Variants in CEP152 observed in about 807,000 individuals in gnomAD.
CEP152 encodes the protein centrosomal protein of 152 kDa.
CEP152 carries 132 observed loss-of-function variants against 188.9 expected under a neutral mutation model. That is an observed-to-expected ratio of 0.70 (90% CI 0.61 to 0.81). The LOEUF is 0.81. Ranked by LOEUF, CEP152 falls within the 30% of genes least tolerant of loss-of-function variation. The pLI, the probability that CEP152 is intolerant of heterozygous loss-of-function variation, is 0.00. For missense variants in CEP152, 1,914 were observed against 1,969.8 expected, an observed-to-expected ratio of 0.97 and a Z score of 0.54; for synonymous variants, 649 against 666.6, an observed-to-expected ratio of 0.97 and a Z score of 0.41.
intron 26 of CEP152, chr15:48,741,242 A>C: frequency 2.7e-6 from 3 of 1,123,654 alleles, no homozygotes; most frequent in Non-Finnish European, 3.3e-6. Context: ...GGATCCTCCC[A>C]CCTCAGCCTC....
intron 9 of CEP152, among the ~76,000 whole-genome samples, chr15:48,787,546 T>G (rs1896745135): frequency 6.6e-6 from 1 of 151,848 alleles, no homozygotes; most frequent in African/African-American, 2.4e-5. Context: ...AAATACATAA[T>G]GAAATAGATA....
chr15:48,780,505 A>G (rs764964928), intron 12 of CEP152, among the ~76,000 whole-genome samples: 2 of 152,212 alleles, frequency 1.3e-5, no homozygotes, highest in Non-Finnish European at 2.9e-5. Flanking sequence ...TCTGGAAACT[A>G]CAATTCAACA....
At chr15:48,793,106 G>A (rs1897088542) in intron 7 of CEP152, among the ~76,000 whole-genome samples, 1 of 152,208 alleles carries the variant, frequency 6.6e-6, no homozygotes, top group Non-Finnish European at 1.5e-5. Context: ...ACAGGCGTAA[G>A]CCACCATGCC....
At chr15:48,786,656 C>T (rs1896653906) in intron 9 of CEP152, among the ~76,000 whole-genome samples, 14 of 151,834 alleles carry the variant, frequency 9.2e-5, no homozygotes, top group Admixed American at 9.2e-4. Flanking sequence ...TATGCAGAGC[C>T]TAACATCAGT....
chr15:48,799,338 T>C (rs1897528727), intron 2 of CEP152, among the ~76,000 whole-genome samples: 1 of 152,184 alleles, frequency 6.6e-6, no homozygotes, highest in East Asian at 1.9e-4. Flanking sequence ...ATATATTTTA[T>C]GGAAGGTCTG....
Position 48,755,810 on chromosome 15 carries a change from T to A in CEP152, c.3345+93A>T, listed in dbSNP as rs566425914. ...ACAAAAACATAAGACTTACATCTACTAAAATTTAAAAGGAAAAAAGGAAAA... is the reference window on the plus strand; with the variant it reads ...ACAAAAACATAAGACTTACATCTACAAAAATTTAAAAGGAAAAAAGGAAAA... On this transcript the variant is annotated intron_variant, in intron 20 of 26. Coordinates refer to ENST00000380950, the MANE Select transcript of CEP152 (RefSeq NM_001194998.2). The A allele has an allele frequency of 4.6e-4, 723 of 1,587,420 alleles. 3 individuals carry two copies. In the African/African-American group the frequency reaches 8.9e-3, roughly 20 times the overall value.
At chr15:48,776,127 G>A (rs1245414814) in intron 12 of CEP152, among the ~76,000 whole-genome samples, 1 of 151,918 alleles carries the variant, frequency 6.6e-6, no homozygotes, top group African/African-American at 2.4e-5. Context: ...GCAGCTCGTG[G>A]CAATATTTAC....
downstream of CEP152, among the ~76,000 whole-genome samples, chr15:48,733,434 G>T (rs1892492055): frequency 6.6e-6 from 1 of 152,162 alleles, no homozygotes; most frequent in Non-Finnish European, 1.5e-5. Context: ...AATTGAGATG[G>T]CAGAAGGATC....
downstream of CEP152, among the ~76,000 whole-genome samples, chr15:48,736,822 G>T (rs370650819): frequency 3.9e-5 from 6 of 152,284 alleles, no homozygotes; most frequent in African/African-American, 1.4e-4. Flanking sequence ...AGTGGAAAAG[G>T]TAGGTGAGCA....
chr15:48,793,212 C>G, intron 7 of CEP152, 109 bp downstream of exon 7: 1 of 1,290,834 alleles, frequency 7.7e-7, no homozygotes, highest in Non-Finnish European at 1.1e-6. Flanking sequence ...CACTATGAGC[C>G]CTCTGACCAA....
intron 5 of CEP152, 66 bp downstream of exon 5, chr15:48,797,235 C>T (rs1402042655): frequency 3.2e-6 from 5 of 1,568,282 alleles, no homozygotes; most frequent in Non-Finnish European, 4.4e-6. Context: ...TTCCTGAACA[C>T]ACACAAACAT....
intron 1 of CEP152, among the ~76,000 whole-genome samples, chr15:48,808,932 C>G (rs1439562891): frequency 6.6e-6 from 1 of 152,134 alleles, no homozygotes. Context: ...TCTTCAATAG[C>G]AGTCTGGTAG....
intron 10 of CEP152, among the ~76,000 whole-genome samples, chr15:48,782,963 GC>G (rs1252594649): frequency 6.6e-6 from 1 of 152,044 alleles, no homozygotes; most frequent in Non-Finnish European, 1.5e-5. Flanking sequence ...TCCAAATTTT[GC>G]CCCCTATCAA....
At chr15:48,794,900 C>G (rs1405358064) in intron 6 of CEP152, among the ~76,000 whole-genome samples, 1 of 152,176 alleles carries the variant, frequency 6.6e-6, no homozygotes, top group East Asian at 1.9e-4. Flanking sequence ...TGGGCCTCCC[C>G]CTGTAACTAC....
chr15:48,775,062 A>T (rs1460316896), intron 12 of CEP152, among the ~76,000 whole-genome samples: 1 of 152,088 alleles, frequency 6.6e-6, no homozygotes, highest in African/African-American at 2.4e-5. Flanking sequence ...GAAAAAAAGG[A>T]GTGAACTTGA....
At chr15:48,732,715 T>TA (rs912282456) in intron 2 of CEP152, among the ~76,000 whole-genome samples, 76 of 151,008 alleles carry the variant, frequency 5.0e-4, no homozygotes, top group African/African-American at 1.2e-3. Context: ...AATCTCTGGT[T>TA]AAAAAAAAAG....
At chr15:48,787,446 C>T (rs996611314) in intron 9 of CEP152, among the ~76,000 whole-genome samples, 4 of 152,088 alleles carry the variant, frequency 2.6e-5, no homozygotes, top group Admixed American at 2.6e-4. Flanking sequence ...GCTGGGATTA[C>T]AGGCATGAGC....
rs1426894393 is a variant in CEP152 at position 48,741,719 on chromosome 15, A to C, written c.3990-15T>G. 2 of 1,613,804 alleles carry C rather than the reference A, an allele frequency of 1.2e-6. No homozygotes were observed. The highest frequency in any genetic ancestry group is 1.7e-6 in the Non-Finnish European group (2 of 1,180,010). Reference sequence around the variant, plus strand: ...TTTTCTCAGCCCTGTGGGGAATTCCAGAATATTAAAAATATAGTTTAAAGG... The same window carrying C: ...TTTTCTCAGCCCTGTGGGGAATTCCCGAATATTAAAAATATAGTTTAAAGG... On this transcript the variant is annotated splice_polypyrimidine_tract_variant and intron_variant, in intron 25 of 26. Coordinates refer to ENST00000380950, the MANE Select transcript of CEP152 (RefSeq NM_001194998.2).
intron 1 of CEP152, among the ~76,000 whole-genome samples, chr15:48,807,723 T>C (rs1420066709): frequency 1.3e-5 from 2 of 152,216 alleles, no homozygotes; most frequent in Non-Finnish European, 2.9e-5. Context: ...GGTTACTTTC[T>C]CCTTCATTAA....
Sources: allele counts gnomAD v4.1 joint callset (sites outside exome capture counted in the v4.1 genomes callset), GRCh38; gene constraint gnomAD v4.1.1; transcripts MANE v1.5; gene names NCBI Gene and HGNC (gene_info 2026-07-23, HGNC 2026-07-21).